Variants in MAP7D1 observed in about 807,000 individuals in gnomAD.
MAP7D1 encodes MAP7 domain containing 1.
In MAP7D1, 30 loss-of-function variants were observed where a neutral mutation model predicts 97.5. The observed-to-expected ratio is 0.31, with a 90% CI of 0.23 to 0.42. The LOEUF (loss-of-function observed/expected upper bound fraction) is 0.42. Ranked by LOEUF, MAP7D1 falls within the 10% of genes least tolerant of loss-of-function variation. The pLI is 1.00. For missense variants in MAP7D1, 1,184 were observed against 1,179.5 expected, an observed-to-expected ratio of 1.00 and a Z score of -0.06; for synonymous variants, 536 against 477.1, an observed-to-expected ratio of 1.12 and a Z score of -1.61.
In MAP7D1 at chr1:36,179,549, C is replaced by T; in HGVS notation, c.2219C>T (p.Ser740Phe). 6.4e-7 allele frequency: 1 copy of T among 1,571,184 alleles called. No homozygotes were observed. The highest frequency in any genetic ancestry group is 8.6e-7 in the Non-Finnish European group (1 of 1,157,054). The change falls in exon 14 of 17, where the codon TCC becomes TTC. Residue 740 changes from serine to phenylalanine, a missense_variant. Transcript: ENST00000474796. Reference sequence around the variant, plus strand: ...AGCAAGGAGGCCAACGCCAACGGTTCCAGCCCAGGTAAAGCCCCCATTCCT... The same window carrying T: ...AGCAAGGAGGCCAACGCCAACGGTTTCAGCCCAGGTAAAGCCCCCATTCCT... ...QDSKEANANG[S>F]SPEPVKAVEA...
chr1:36,171,016 G>A lies in MAP7D1; in HGVS notation c.92G>A (p.Gly31Asp), dbSNP rs1237749750. ...TPPEPRPSPEGDPSPPPPPMS... is the reference protein window; with the variant it reads ...TPPEPRPSPEDDPSPPPPPMS... ...CCAGAGCCAAGACCTTCTCCAGAAG[G>A]TGACCCTTCCCCCCCACCACCACCA... The change falls in exon 2 of 17, where the codon GGT becomes GAT. Residue 31 changes from glycine (G) to aspartate (D), a missense_variant. By Grantham distance (94) the Gly-to-Asp change is moderately conservative. Coordinates refer to ENST00000474796, the MANE Select transcript of MAP7D1 (RefSeq NM_001388490.1). The A allele has an allele frequency of 1.3e-6, 2 of 1,582,530 alleles. No homozygotes were observed. Among genetic ancestry groups the A allele is most frequent in the Admixed American group, 1.7e-5 (1 of 59,082 alleles).
At chr1:36,174,382 G>A (rs933294229) in intron 5 of MAP7D1, among the ~76,000 whole-genome samples, 2 of 152,246 alleles carry the variant, frequency 1.3e-5, no homozygotes, top group Non-Finnish European at 2.9e-5. Context: ...GCACACATGT[G>A]TGCATGCCGA....
In MAP7D1 at chr1:36,171,531, A is replaced by G. The variant is rs1331949967; in HGVS notation, c.410A>G (p.Glu137Gly). Residue 137 changes from glutamate (E) to glycine (G), a missense_variant, in exon 3 of 17, where the codon GAG becomes GGG. Glu to Gly is a moderately conservative substitution (Grantham distance 98, BLOSUM62 -2). Transcript: ENST00000474796. ...TGCTCAGAGGTGAAGAAGGCAGGAG[A>G]GAGACACAAGCTGGCAAAGGAGCGG... ...PTKQEVKKAG[E>G]RHKLAKERRE... 1.9e-6 allele frequency: 3 copies of G among 1,614,058 alleles called. No individual in the cohort carries two copies. Among genetic ancestry groups the G allele is most frequent in the African/African-American group, 1.3e-5 (1 of 74,928 alleles).
chr1:36,172,349 G>A (rs1420170625), intron 3 of MAP7D1, 115 bp from the exon 4 acceptor site: 4 of 1,092,568 alleles, frequency 3.7e-6, no homozygotes, highest in Non-Finnish European at 4.9e-6. Context: ...TAAGCAGGCG[G>A]GAGAAAGACC....
chr1:36,164,370 A>G (rs898648810), intron 1 of MAP7D1, among the ~76,000 whole-genome samples: 3 of 152,198 alleles, frequency 2.0e-5, no homozygotes, highest in African/African-American at 7.2e-5. Flanking sequence ...AGGAAGTTTA[A>G]AATCATAACA....
chr1:36,175,014 A>G lies in MAP7D1; in HGVS notation c.850+6A>G. The G allele has an allele frequency of 6.3e-7, 1 of 1,596,538 alleles. No homozygotes were observed. Among genetic ancestry groups the G allele is most frequent in the Non-Finnish European group, 8.6e-7 (1 of 1,164,364 alleles). ...CTGGAACTCCCCCAGTAGAAGTAAG[A>G]GAAGGCCCAGCCCTTCCCCCTCCAG... On this transcript the variant is annotated splice_donor_region_variant and intron_variant, in intron 6 of 16. Transcript: ENST00000474796.
chr1:36,167,837 G>A (rs1411864958), intron 1 of MAP7D1, among the ~76,000 whole-genome samples: 1 of 152,118 alleles, frequency 6.6e-6, no homozygotes, highest in Admixed American at 6.5e-5. Flanking sequence ...TTGCCTGGTG[G>A]GTGTGATTTG....
intron 1 of MAP7D1, among the ~76,000 whole-genome samples, chr1:36,161,264 G>A (rs1321721067): frequency 6.6e-6 from 1 of 152,186 alleles, no homozygotes; most frequent in Admixed American, 6.5e-5. Flanking sequence ...CTCTGTCCAG[G>A]CCAGGGATAA....
At position 36,178,941 on chromosome 1, in the gene MAP7D1, G is replaced by A; in HGVS notation, c.2046G>A (p.Arg682=). The change falls in exon 12 of 17, where the codon CGG becomes CGA. Residue 682 remains arginine (R), a synonymous_variant. Transcript: ENST00000474796. ...GGCAGAAAGAGGAGGCCGAAGCTCG[G>A]TCGCGGGAAGAGGCGGAGCGGCAGC... ...LQKQKEEAEA[R]SREEAERQRL... 6.4e-7 allele frequency: 1 copy of A among 1,557,224 alleles called. No homozygotes were observed.
chr1:36,162,579 T>TG (rs1358806072), intron 1 of MAP7D1, among the ~76,000 whole-genome samples: 1 of 152,206 alleles, frequency 6.6e-6, no homozygotes, highest in African/African-American at 2.4e-5. Context: ...ACCTGTGAAA[T>TG]GGGGGCCATC....
chr1:36,179,044 G>A lies in MAP7D1; in HGVS notation c.2130+19G>A. 1 of 1,547,308 alleles carries A rather than the reference G, an allele frequency of 6.5e-7. No individual in the cohort carries two copies. Among genetic ancestry groups the A allele is most frequent in the East Asian group, 2.4e-5 (1 of 40,888 alleles). On this transcript the variant is annotated intron_variant, in intron 12 of 16. Coordinates refer to ENST00000474796, the MANE Select transcript of MAP7D1 (RefSeq NM_001388490.1). ...CAGAAAGGTGTGCGGACCTGGGCGG[G>A]GATTTGTGGGCGGGGCCTGGGCAGG...
chr1:36,179,192 G>A, intron 12 of MAP7D1, 70 bp from the exon 13 acceptor site: 5 of 1,575,538 alleles, frequency 3.2e-6, no homozygotes, highest in Non-Finnish European at 4.4e-6. Context: ...TCCGAGGCCG[G>A]GTCTGGCTGG....
chr1:36,160,371 G>T (rs1192936343), intron 1 of MAP7D1, among the ~76,000 whole-genome samples: 1 of 152,204 alleles, frequency 6.6e-6, no homozygotes, highest in Non-Finnish European at 1.5e-5. Context: ...CTCAGCAGTT[G>T]TAAGAGATGA....
rs757681924 is a variant in MAP7D1, at chr1:36,178,146, C to T, written c.1653C>T (p.Pro551=). 3 of 1,580,222 alleles carry T rather than the reference C, an allele frequency of 1.9e-6. No individual in the cohort carries two copies. The highest frequency in any genetic ancestry group is 2.3e-5 in the South Asian group (2 of 87,256). Residue 551 remains proline (P), a synonymous_variant, in exon 9 of 17, where the codon CCC becomes CCT. Transcript: ENST00000474796. ...APASPAPSPA[P]SPTPAPPQKE... is the part of the protein sequence containing the mutation. ...CCTCACCGGCACCTTCGCCGGCGCC[C>T]TCGCCCACCCCAGCCCCGCCCCAGA...
intron 16 of MAP7D1, 51 bp downstream of exon 16, chr1:36,180,118 C>T: frequency 6.2e-7 from 1 of 1,610,980 alleles, no homozygotes; most frequent in East Asian, 2.2e-5. Context: ...GCAGCCTTCC[C>T]TGTACTCCTC....
At chr1:36,179,389 A>G in intron 13 of MAP7D1, 74 bp downstream of exon 13, 14 of 1,594,184 alleles carry the variant, frequency 8.8e-6, no homozygotes, top group Middle Eastern at 1.7e-4. Flanking sequence ...AAAGGCATCC[A>G]TGGCCACGGA....
chr1:36,171,443 G>A, intron 2 of MAP7D1, 70 bp from the exon 3 acceptor site: 1 of 1,584,378 alleles, frequency 6.3e-7, no homozygotes, highest in African/African-American at 1.3e-5. Context: ...GGCCCGGAGG[G>A]AGGGATCTGA....
In MAP7D1 at chr1:36,179,895, A is replaced by G; in HGVS notation, c.2340A>G (p.Pro780=). 1 of 1,613,588 alleles carries G rather than the reference A, an allele frequency of 6.2e-7. No homozygotes were observed. Among genetic ancestry groups the G allele is most frequent in the Non-Finnish European group, 8.5e-7 (1 of 1,179,656 alleles). ...PQWSLPSKEL[P]ASLVNGLQPL... is the part of the protein sequence containing the mutation. ...ACAGTCTCCCAAGCAAGGAGTTGCCAGCGTCCCTGGTGAATGGCCTGCAGC... is the reference window on the plus strand; with the variant it reads ...ACAGTCTCCCAAGCAAGGAGTTGCCGGCGTCCCTGGTGAATGGCCTGCAGC... Residue 780 remains proline, a synonymous_variant, in exon 16 of 17, where the codon CCA becomes CCG. Transcript: ENST00000474796.
At chr1:36,177,852 C>A in intron 8 of MAP7D1, 21 bp from the exon 9 acceptor site, 1 of 1,522,064 alleles carries the variant, frequency 6.6e-7, no homozygotes. Context: ...CCTAACCCTT[C>A]CCTTTTCCCT....
Sources: allele counts gnomAD v4.1 joint callset (sites outside exome capture counted in the v4.1 genomes callset), GRCh38; gene constraint gnomAD v4.1.1; transcripts MANE v1.5; gene names NCBI Gene and HGNC (gene_info 2026-07-23, HGNC 2026-07-21).